POTED: variants seen among roughly 807,000 people sequenced by gnomAD.
The protein encoded by POTED is ANKRD26-like family B member 3.
A neutral mutation model predicts 19.0 loss-of-function variants in POTED; 7 were observed. The ratio of observed to expected loss-of-function variants is 0.37; its 90% CI spans 0.21 to 0.69. The LOEUF is 0.69. Among genes scored for constraint, POTED ranks in the 30% least tolerant of loss-of-function variants. POTED has a pLI of 0.56. For missense variants in POTED, 54 were observed against 278.5 expected (o/e 0.19, Z 5.74); for synonymous variants, 16 against 92.0 (o/e 0.17, Z 4.73).
At position 13,624,025 on chromosome 21, in the gene POTED, C is replaced by T. The variant is rs1387837192; in HGVS notation, c.1126+1150C>T. Among the ~76,000 whole-genome samples the T allele has an allele frequency of 1.3e-4, 12 of 94,188 alleles. 2 individuals carry two copies. Among genetic ancestry groups the T allele is most frequent in the Non-Finnish European group, 2.2e-4 (11 of 49,636 alleles). 61.8% of individuals were successfully genotyped at this position (94,188 alleles called of 152,430 possible). A position where few individuals can be genotyped will look rare whatever the true frequency, so the allele number is the denominator to read the frequency against. ...AAACCTTTCTATGTTTTCACTTGTC[C>T]ACTTAACAAATAACTATTAAATGTC... is the stretch of plus-strand genomic sequence containing the variant. On this transcript the variant is annotated intron_variant, in intron 6 of 10. Coordinates refer to ENST00000299443, the MANE Select transcript of POTED (RefSeq NM_174981.6).
chr21:13,610,659 A>G lies in POTED; in HGVS notation c.431A>G (p.His144Arg), dbSNP rs2011137984. 9.3e-7 allele frequency: 1 copy of G among 1,076,686 alleles called. No individual in the cohort carries two copies. The highest frequency in any genetic ancestry group is 2.4e-5 in the Admixed American group (1 of 41,736). The allele number at this position is 1,076,686 out of a possible 1,614,324, so 66.7% of individuals were successfully genotyped here. ...HIRREDLDKLHRAAWWGKVPR... is the reference protein window; with the variant it reads ...HIRREDLDKLRRAAWWGKVPR... ...CGTCGAGAAGATCTGGACAAGCTCC[A>G]CAGAGCTGCCTGGTGGGGTAAAGTC... is the stretch of plus-strand genomic sequence containing the variant. Residue 144 changes from histidine to arginine, a missense_variant, in exon 1 of 11, where the codon CAC (histidine) becomes CGC (arginine). His to Arg is a conservative substitution (Grantham distance 29, BLOSUM62 0). Coordinates refer to ENST00000299443, the MANE Select transcript of POTED (RefSeq NM_174981.6).
intron 6 of POTED, 106 bp from the exon 7 acceptor site, chr21:13,628,276 T>TAATGA: frequency 5.4e-6 from 1 of 186,684 alleles, no homozygotes; most frequent in Non-Finnish European, 1.0e-5. Context: ...AACACTCAAT[T>TAATGA]AATGAAATAA....
In POTED at chr21:13,610,793, A is replaced by G; in HGVS notation, c.521+44A>G. The G allele has an allele frequency of 1.1e-5, 12 of 1,066,314 alleles. 4 individuals are homozygous for G. The highest frequency in any genetic ancestry group is 1.5e-5 in the Non-Finnish European group (12 of 825,198). 66.1% of individuals were successfully genotyped at this position (1,066,314 alleles called of 1,614,324 possible). A position where few individuals can be genotyped will look rare whatever the true frequency, so the allele number is the denominator to read the frequency against. On this transcript the variant is annotated intron_variant, in intron 1 of 10. Transcript: ENST00000299443. ...GGAGGAGGCAGGACATGGGGGGATGATGGGGACATACCCTCCTGGCGCAGG... is the reference window on the plus strand; with the variant it reads ...GGAGGAGGCAGGACATGGGGGGATGGTGGGGACATACCCTCCTGGCGCAGG...
At position 13,645,471 on chromosome 21, in the gene POTED, A is replaced by G. The variant is rs1358736745; in HGVS notation, c.*3905A>G. On this transcript the variant is annotated 3_prime_UTR_variant, in exon 11 of 11. Transcript: ENST00000299443. Reference sequence around the variant, plus strand: ...AATTTCAACCCAGAATTTCATGTCCAGCAAAATTAAGCATCATAAGTGAAG... The same window carrying G: ...AATTTCAACCCAGAATTTCATGTCCGGCAAAATTAAGCATCATAAGTGAAG... 1.5e-5 allele frequency among the ~76,000 whole-genome samples: 2 copies of G among 134,094 alleles called. No individual in the cohort carries two copies. The highest frequency in any genetic ancestry group is 2.0e-4 in the East Asian group (1 of 5,092). The allele number at this position is 134,094 out of a possible 152,430, so 88.0% of individuals were successfully genotyped here. A position where few individuals can be genotyped will look rare whatever the true frequency, so the allele number is the denominator to read the frequency against.
Position 13,643,511 on chromosome 21 carries a change from G to A in POTED, c.*1945G>A. Among the ~76,000 whole-genome samples the A allele has an allele frequency of 3.7e-5, 2 of 54,038 alleles. 1 individual carries two copies. The highest frequency in any genetic ancestry group is 6.1e-5 in the Non-Finnish European group (2 of 32,806). The allele number at this position is 54,038 out of a possible 152,430, so 35.5% of individuals were successfully genotyped here. On this transcript the variant is annotated 3_prime_UTR_variant, in exon 11 of 11. Transcript: ENST00000299443. ...GTGTAGAGCAGTTGTGCTGTGCTGAGGATTCACTTTTGAGAGAGTTCTCCT... is the reference window on the plus strand; with the variant it reads ...GTGTAGAGCAGTTGTGCTGTGCTGAAGATTCACTTTTGAGAGAGTTCTCCT...
Position 13,642,723 on chromosome 21 carries a change from C to T in POTED, c.*1157C>T, listed in dbSNP as rs112360650. ...GCTCCCAGAGGGAAGGGCAGGTTAT[C>T]GTCTTTGCTTTTTCGCAGGCTTCAC... is the stretch of plus-strand genomic sequence containing the variant. On this transcript the variant is annotated 3_prime_UTR_variant, in exon 11 of 11. Coordinates refer to ENST00000299443, the MANE Select transcript of POTED (RefSeq NM_174981.6). Among the ~76,000 whole-genome samples the T allele has an allele frequency of 7.4e-5, 1 of 13,598 alleles. No individual in the cohort carries two copies. 8.9% of individuals were successfully genotyped at this position (13,598 alleles called of 152,430 possible). A position where few individuals can be genotyped will look rare whatever the true frequency, so the allele number is the denominator to read the frequency against.
intron 6 of POTED, among the ~76,000 whole-genome samples, chr21:13,626,596 C>A (rs1209828315): frequency 9.9e-6 from 1 of 100,580 alleles, no homozygotes; most frequent in Non-Finnish European, 1.9e-5. Flanking sequence ...ATAAGGCTTT[C>A]ATAATCTGAC....
chr21:13,631,516 C>A lies in POTED; in HGVS notation c.1409+409C>A, dbSNP rs1299895944. Among the ~76,000 whole-genome samples the A allele has an allele frequency of 5.4e-5, 4 of 74,148 alleles. 2 individuals are homozygous for A. The highest frequency in any genetic ancestry group is 4.4e-4 in the African/African-American group (4 of 9,190). 48.6% of individuals were successfully genotyped at this position (74,148 alleles called of 152,430 possible). ...TGCCACACTCCACCCTCAAGTAGACCCTGGTGTCTGTTATTCTCCTCTTTG... is the reference window on the plus strand; with the variant it reads ...TGCCACACTCCACCCTCAAGTAGACACTGGTGTCTGTTATTCTCCTCTTTG... On this transcript the variant is annotated intron_variant, in intron 9 of 10. Transcript: ENST00000299443.
At chr21:13,635,163 G>A (rs1171980054) in intron 9 of POTED, among the ~76,000 whole-genome samples, 2 of 81,388 alleles carry the variant, frequency 2.5e-5, no homozygotes, top group African/African-American at 1.9e-4. Context: ...CTAGCATATT[G>A]GATGAAGCTA....
At chr21:13,631,543 G>A (rs1310035612) in intron 9 of POTED, among the ~76,000 whole-genome samples, 1 of 68,966 alleles carries the variant, frequency 1.4e-5, no homozygotes, top group Non-Finnish European at 2.5e-5. Flanking sequence ...TCCTCTTTGT[G>A]TCCATGAGTT....
chr21:13,636,664 C>A lies in POTED; in HGVS notation c.1410-2851C>A, dbSNP rs1282661238. Among the ~76,000 whole-genome samples, 4 of 71,680 alleles carry A rather than the reference C, an allele frequency of 5.6e-5. 1 individual carries two copies. The highest frequency in any genetic ancestry group is 2.4e-4 in the Admixed American group (2 of 8,192). 47.0% of individuals were successfully genotyped at this position (71,680 alleles called of 152,430 possible). On this transcript the variant is annotated intron_variant, in intron 9 of 10. Transcript: ENST00000299443. The stretch of plus-strand genomic sequence containing the variant: ...GATATTTTAAAAGTAAGGATACACC[C>A]CCCCCCCAATAGTTTGGCTTTGTGT...
chr21:13,637,077 A>C (rs2123222445), intron 9 of POTED, among the ~76,000 whole-genome samples: 1 of 61,110 alleles, frequency 1.6e-5, no homozygotes, highest in Admixed American at 1.5e-4. Flanking sequence ...TGCATATGTG[A>C]ATTGTGCTGC....
rs1483347779 is a variant in POTED, at chr21:13,612,362, C to T, written c.521+1613C>T. The stretch of plus-strand genomic sequence containing the variant: ...GCATGCACCTGTAATCCTAGCTACT[C>T]AGGAGGCTGAGGCAGGAGAATTGCT... On this transcript the variant is annotated intron_variant, in intron 1 of 10. Transcript: ENST00000299443. 3.9e-5 allele frequency among the ~76,000 whole-genome samples: 3 copies of T among 77,112 alleles called. 1 individual carries two copies. Among genetic ancestry groups the T allele is most frequent in the African/African-American group, 1.0e-4 (1 of 9,746 alleles). The allele number at this position is 77,112 out of a possible 152,430, so 50.6% of individuals were successfully genotyped here.
intron 3 of POTED, among the ~76,000 whole-genome samples, chr21:13,615,836 C>T (rs1383843921): frequency 7.4e-4 from 1 of 1,354 alleles, no homozygotes. Flanking sequence ...TTTTTTTTTT[C>T]AATTTTTCCC....
intron 6 of POTED, among the ~76,000 whole-genome samples, chr21:13,627,532 C>G (rs1315614050): frequency 1.1e-5 from 1 of 90,922 alleles, no homozygotes; most frequent in African/African-American, 6.7e-5. Flanking sequence ...AGACATTGTA[C>G]ACTAACAAAG....
At chr21:13,626,352 A>T (rs2011185810) in intron 6 of POTED, among the ~76,000 whole-genome samples, 4 of 60,710 alleles carry the variant, frequency 6.6e-5, no homozygotes. Context: ...GTGATTTATT[A>T]TAATTTCTAT....
At position 13,645,333 on chromosome 21, in the gene POTED, G is replaced by A. The variant is rs1295210452; in HGVS notation, c.*3767G>A. Among the ~76,000 whole-genome samples the A allele has an allele frequency of 3.8e-5, 5 of 131,954 alleles. No homozygotes were observed. The highest frequency in any genetic ancestry group is 8.2e-5 in the Non-Finnish European group (5 of 61,316). The allele number at this position is 131,954 out of a possible 152,430, so 86.6% of individuals were successfully genotyped here. On this transcript the variant is annotated 3_prime_UTR_variant, in exon 11 of 11. Transcript: ENST00000299443. ...CAAAATAAAAGAAAAAATGTTAAAG[G>A]CAGCTAGGGAGAAAGGCAACATCAC... is the stretch of plus-strand genomic sequence containing the variant.
In POTED at chr21:13,645,563, A is replaced by C. The variant is rs1212656065; in HGVS notation, c.*3997A>C. Among the ~76,000 whole-genome samples the C allele has an allele frequency of 8.0e-6, 1 of 125,600 alleles. No homozygotes were observed. Among genetic ancestry groups the C allele is most frequent in the East Asian group, 2.0e-4 (1 of 4,926 alleles). The allele number at this position is 125,600 out of a possible 152,430, so 82.4% of individuals were successfully genotyped here. A position where few individuals can be genotyped will look rare whatever the true frequency, so the allele number is the denominator to read the frequency against. Reference sequence around the variant, plus strand: ...TTCGTTATCACCAGACCTACCTTACAAGAGCTCCTGAAGGAAGCACTAAAT... The same window carrying C: ...TTCGTTATCACCAGACCTACCTTACCAGAGCTCCTGAAGGAAGCACTAAAT... On this transcript the variant is annotated 3_prime_UTR_variant, in exon 11 of 11. Transcript: ENST00000299443.
Position 13,612,913 on chromosome 21 carries a change from T to C in POTED, c.521+2164T>C, listed in dbSNP as rs1410379914. Among the ~76,000 whole-genome samples the C allele has an allele frequency of 8.2e-5, 6 of 72,810 alleles. 3 individuals carry two copies. Among genetic ancestry groups the C allele is most frequent in the Admixed American group, 7.1e-4 (6 of 8,402 alleles). The allele number at this position is 72,810 out of a possible 152,430, so 47.8% of individuals were successfully genotyped here. A position where few individuals can be genotyped will look rare whatever the true frequency, so the allele number is the denominator to read the frequency against. ...GTTATACATATACACAAACAGAATC[T>C]GCTCTTGTGTTAGCTGGAAATATGT... is the stretch of plus-strand genomic sequence containing the variant. On this transcript the variant is annotated intron_variant, in intron 1 of 10. Coordinates refer to ENST00000299443, the MANE Select transcript of POTED (RefSeq NM_174981.6).
Sources: allele counts gnomAD v4.1 joint callset (sites outside exome capture counted in the v4.1 genomes callset), GRCh38; gene constraint gnomAD v4.1.1; transcripts MANE v1.5; gene names NCBI Gene and HGNC (gene_info 2026-07-23, HGNC 2026-07-21).